Variants in M1AP observed in about 807,000 individuals in gnomAD.
The protein encoded by M1AP is meiosis 1 associated protein.
A neutral mutation model predicts 51.2 loss-of-function variants in M1AP; 39 were observed. That is an observed-to-expected ratio of 0.76 (90% CI 0.59 to 1.00). M1AP has a LOEUF of 1.00. Among genes scored for constraint, M1AP ranks in the 50% least tolerant of loss-of-function variants. The pLI, the probability that M1AP is intolerant of heterozygous loss-of-function variation, is 0.00. For synonymous variants in M1AP, 251 were observed against 249.2 expected (o/e 1.01, Z -0.07); for missense variants, 545 against 641.2 (o/e 0.85, Z 1.62).
chr2:74,647,285 T>A lies in M1AP; in HGVS notation c.-53+980A>T, dbSNP rs370296761. The A allele has an allele frequency of 4.1e-5, 40 of 985,252 alleles. No individual in the cohort carries two copies. The South Asian group carries it at 4.7e-4, about 12-fold the overall frequency. The allele number at this position is 985,252 out of a possible 1,614,324, so 61.0% of individuals were successfully genotyped here. A position where few individuals can be genotyped will look rare whatever the true frequency, so the allele number is the denominator to read the frequency against. On this transcript the variant is annotated intron_variant, in intron 1 of 10. Coordinates refer to ENST00000421985, the MANE Select transcript of M1AP (RefSeq NM_001321739.2). ...CCCCGGGAGATCCACCTCTCACAGATCGGCTTCTCGCTGTGTCTGCCTCTG... is the reference window on the plus strand; with the variant it reads ...CCCCGGGAGATCCACCTCTCACAGAACGGCTTCTCGCTGTGTCTGCCTCTG...
rs190698209 is a variant in M1AP, at chr2:74,611,691, G to C, written c.426+3273C>G. Among the ~76,000 whole-genome samples the C allele has an allele frequency of 4.0e-3, 603 of 151,542 alleles. 6 individuals carry two copies. The highest frequency in any genetic ancestry group is 0.014 in the African/African-American group (574 of 41,322). On this transcript the variant is annotated intron_variant, in intron 3 of 10. Transcript: ENST00000421985. ...CTACTAAAAATACAAAATTAGTCAG[G>C]CGTGGTGGCGCATGCCTGTAATCCC...
At chr2:74,608,033 A>G (rs1449519130) in intron 3 of M1AP, among the ~76,000 whole-genome samples, 1 of 152,194 alleles carries the variant, frequency 6.6e-6, no homozygotes, top group Non-Finnish European at 1.5e-5. Flanking sequence ...CCTCATTATC[A>G]GTATCTTCCA....
At chr2:74,575,388 G>C in intron 7 of M1AP, 50 bp downstream of exon 7, 1 of 1,609,888 alleles carries the variant, frequency 6.2e-7, no homozygotes, top group Non-Finnish European at 8.5e-7. Context: ...TTCTGTGGTT[G>C]GTACTTTAAA....
chr2:74,591,954 T>TTTTTA (rs897696892), intron 4 of M1AP, among the ~76,000 whole-genome samples: 11 of 151,948 alleles, frequency 7.2e-5, no homozygotes, highest in East Asian at 1.9e-4. Context: ...CCTGGCTAAC[T>TTTTTA]TTTTATTTTA....
chr2:74,571,145 A>G lies in M1AP; in HGVS notation c.1074+4293T>C, dbSNP rs1469583681. On this transcript the variant is annotated intron_variant, in intron 7 of 10. Coordinates refer to ENST00000421985, the MANE Select transcript of M1AP (RefSeq NM_001321739.2). ...GAAAACCAGAAGAGAGAGAGATTGG[A>G]GGCAGGGAAGCCAGTTAGGAGTTTA... Among the ~76,000 whole-genome samples the G allele has an allele frequency of 3.9e-5, 6 of 152,180 alleles. No individual in the cohort carries two copies. The East Asian group carries it at 1.2e-3, about 29-fold the overall frequency.
intron 7 of M1AP, among the ~76,000 whole-genome samples, chr2:74,563,878 T>G (rs2104515054): frequency 6.6e-6 from 1 of 152,222 alleles, no homozygotes; most frequent in South Asian, 2.1e-4. Context: ...GCCATGAAAA[T>G]GAGGCAATTT....
intron 4 of M1AP, among the ~76,000 whole-genome samples, chr2:74,600,452 G>C (rs1383989578): frequency 6.6e-6 from 1 of 152,154 alleles, no homozygotes; most frequent in Non-Finnish European, 1.5e-5. Flanking sequence ...TCTTCTATGG[G>C]GTTAACATTG....
intron 3 of M1AP, among the ~76,000 whole-genome samples, chr2:74,610,628 GT>G (rs1232222459): frequency 1.3e-5 from 2 of 152,062 alleles, no homozygotes; most frequent in Non-Finnish European, 2.9e-5. Flanking sequence ...TTTCCAAAAA[GT>G]TTTTTTCGTA....
intron 7 of M1AP, among the ~76,000 whole-genome samples, chr2:74,569,490 C>CCT (rs1678593622): frequency 6.7e-6 from 1 of 150,180 alleles, no homozygotes; most frequent in Non-Finnish European, 1.5e-5. Flanking sequence ...AAGTGATTCT[C>CCT]GCGCCTCCCG....
intron 4 of M1AP, among the ~76,000 whole-genome samples, chr2:74,604,236 T>C (rs192996820): frequency 6.6e-6 from 1 of 152,192 alleles, no homozygotes; most frequent in East Asian, 1.9e-4. Context: ...TTCTCAAAAG[T>C]TGGGCATATC....
intron 4 of M1AP, among the ~76,000 whole-genome samples, chr2:74,604,502 A>G (rs1276992093): frequency 5.9e-5 from 9 of 152,306 alleles, no homozygotes; most frequent in African/African-American, 1.9e-4. Flanking sequence ...ACAGTTCACA[A>G]TAGGGTTTGC....
intron 7 of M1AP, among the ~76,000 whole-genome samples, chr2:74,566,555 G>A (rs1305314601): frequency 6.6e-6 from 1 of 152,180 alleles, no homozygotes; most frequent in Non-Finnish European, 1.5e-5. Flanking sequence ...AGGGGCGTAG[G>A]TGAAAGATGA....
chr2:74,593,707 T>C (rs1187556232), intron 4 of M1AP, among the ~76,000 whole-genome samples: 1 of 152,182 alleles, frequency 6.6e-6, no homozygotes, highest in Non-Finnish European at 1.5e-5. Flanking sequence ...ATCAACTACC[T>C]GAAGGCTCTG....
chr2:74,613,131 T>A (rs937542172), intron 3 of M1AP, among the ~76,000 whole-genome samples: 1 of 152,220 alleles, frequency 6.6e-6, no homozygotes, highest in Non-Finnish European at 1.5e-5. Context: ...CACCTTTTTT[T>A]ATTTTTTCTT....
chr2:74,635,925 C>T (rs1682965719), intron 2 of M1AP, among the ~76,000 whole-genome samples: 1 of 152,004 alleles, frequency 6.6e-6, no homozygotes, highest in African/African-American at 2.4e-5. Context: ...GGCAAATGTT[C>T]CACGGGTGCT....
intron 7 of M1AP, among the ~76,000 whole-genome samples, chr2:74,564,209 G>A (rs1032658051): frequency 1.3e-5 from 2 of 152,206 alleles, no homozygotes; most frequent in Admixed American, 1.3e-4. Flanking sequence ...GCTGTAGCAT[G>A]AGAGTTAGAC....
intron 7 of M1AP, among the ~76,000 whole-genome samples, chr2:74,562,948 G>A (rs1218701084): frequency 6.6e-6 from 1 of 152,084 alleles, no homozygotes; most frequent in East Asian, 1.9e-4. Context: ...GCAGTGTCTT[G>A]AAACCAAGAC....
intron 3 of M1AP, among the ~76,000 whole-genome samples, chr2:74,608,694 T>G (rs1681155299): frequency 6.6e-6 from 1 of 152,234 alleles, no homozygotes; most frequent in Non-Finnish European, 1.5e-5. Context: ...CATTCTACAT[T>G]CCCATCAGCA....
At chr2:74,618,974 G>A (rs1681845391) in intron 2 of M1AP, 1 of 534,156 alleles carries the variant, frequency 1.9e-6, no homozygotes, top group Admixed American at 1.9e-5. Context: ...ATCTATAGCA[G>A]AACCATGGGC....
Sources: gnomAD v4.1 joint callset for allele counts (sites outside exome capture counted in the v4.1 genomes callset) on GRCh38, gnomAD v4.1.1 for gene constraint, MANE v1.5 for transcripts, NCBI Gene and HGNC (gene_info 2026-07-23, HGNC 2026-07-21) for gene names.